Variants in MAML3 observed in about 807,000 individuals in gnomAD.
The protein encoded by MAML3 is mastermind-like protein 3.
MAML3 carries 27 observed loss-of-function variants against 101.9 expected under a neutral mutation model. That is an observed-to-expected ratio of 0.27 (90% CI 0.20 to 0.37). The LOEUF (loss-of-function observed/expected upper bound fraction) is 0.37, where lower values mean the gene tolerates loss of function less well. Ranked by LOEUF, MAML3 falls within the 10% of genes least tolerant of loss-of-function variation. The pLI, the probability that MAML3 is intolerant of heterozygous loss-of-function variation, is 1.00. For synonymous variants in MAML3, 501 were observed against 555.9 expected (o/e 0.90, Z 1.39); for missense variants, 1,316 against 1,444.9 (o/e 0.91, Z 1.45).
chr4:140,010,198 ATGAGGGCAC>A (rs1371939601), intron 1 of MAML3, among the ~76,000 whole-genome samples: 5 of 152,246 alleles, frequency 3.3e-5, no homozygotes, highest in Non-Finnish European at 5.9e-5. Flanking sequence ...TACCACAAAT[ATGAGGGCAC>A]TGGTTAGTTC....
intron 2 of MAML3, among the ~76,000 whole-genome samples, chr4:139,867,867 G>A (rs1379194689): frequency 1.3e-5 from 2 of 152,202 alleles, no homozygotes; most frequent in East Asian, 1.9e-4. Flanking sequence ...GCCCCACACT[G>A]CCTTCACAGC....
At chr4:139,947,598 A>G (rs1028320402) in intron 1 of MAML3, among the ~76,000 whole-genome samples, 18 of 152,200 alleles carry the variant, frequency 1.2e-4, no homozygotes, top group African/African-American at 3.4e-4. Flanking sequence ...CCTAGCAGAA[A>G]GGAGGGCTGA....
In MAML3 at chr4:139,719,353, C is replaced by T; in HGVS notation, c.3387G>A (p.Gln1129=). ...GGTTACCAAACAATTCATCAAGCTC[C>T]TGCATCCACTCGTCCCCTGGCCCGC... ...IKGGPGDEWM[Q]ELDELFGNP The change falls in exon 5 of 5, where the codon CAG becomes CAA. Residue 1129 remains glutamine (Q), a synonymous_variant. Coordinates refer to ENST00000509479, the MANE Select transcript of MAML3 (RefSeq NM_018717.5). The T allele has an allele frequency of 6.2e-7, 1 of 1,603,774 alleles. No individual in the cohort carries two copies. The highest frequency in any genetic ancestry group is 1.7e-5 in the Admixed American group (1 of 59,236).
intron 2 of MAML3, among the ~76,000 whole-genome samples, chr4:139,880,859 C>T (rs920155835): frequency 3.3e-5 from 5 of 152,058 alleles, no homozygotes; most frequent in Admixed American, 6.5e-5. Flanking sequence ...TGGCTTCCTC[C>T]GATGCTCCAG....
intron 2 of MAML3, among the ~76,000 whole-genome samples, chr4:139,840,843 C>A (rs3796628): frequency 0.39 from 58,620 of 152,014 alleles, 11,853 homozygotes; most frequent in East Asian, 0.69. Context: ...GTCTCCAGAA[C>A]CTTCTCAATT....
At chr4:139,746,407 G>A (rs1729321672) in intron 2 of MAML3, among the ~76,000 whole-genome samples, 2 of 151,884 alleles carry the variant, frequency 1.3e-5, no homozygotes, top group African/African-American at 4.8e-5. Context: ...GAGACTGAGT[G>A]TCTTCTCTGA....
intron 1 of MAML3, among the ~76,000 whole-genome samples, chr4:140,093,412 G>GT (rs1211054649): frequency 9.9e-4 from 126 of 126,884 alleles, no homozygotes; most frequent in East Asian, 4.6e-3. Context: ...ACTCATGTTT[G>GT]TTTGTTTTTT....
At chr4:139,903,213 G>A (rs1164213814) in intron 1 of MAML3, among the ~76,000 whole-genome samples, 2 of 152,138 alleles carry the variant, frequency 1.3e-5, no homozygotes, top group South Asian at 2.1e-4. Flanking sequence ...TGGCTCAAGC[G>A]ATCCTCCCAC....
intron 1 of MAML3, among the ~76,000 whole-genome samples, chr4:139,983,930 TGGATTTAACCAG>T (rs1165198464): frequency 6.6e-6 from 1 of 152,146 alleles, no homozygotes; most frequent in Non-Finnish European, 1.5e-5. Context: ...GTTGGGTAAA[TGGATTTAACCAG>T]GGCAGACTTT....
At chr4:139,775,503 T>C (rs1730075603) in intron 2 of MAML3, among the ~76,000 whole-genome samples, 1 of 152,058 alleles carries the variant, frequency 6.6e-6, no homozygotes, top group African/African-American at 2.4e-5. Context: ...AAAGGTAATT[T>C]AGTTGCCATT....
At chr4:139,817,750 G>A (rs138134353) in intron 2 of MAML3, among the ~76,000 whole-genome samples, 2 of 152,274 alleles carry the variant, frequency 1.3e-5, no homozygotes, top group East Asian at 3.9e-4. Context: ...TCAGGAGAGT[G>A]GGCAGAATCT....
intron 1 of MAML3, among the ~76,000 whole-genome samples, chr4:140,142,038 T>G (rs989143273): frequency 6.6e-6 from 1 of 152,120 alleles, no homozygotes; most frequent in African/African-American, 2.4e-5. Flanking sequence ...CACCAAAGTA[T>G]CAATCAATAG....
Position 139,890,170 on chromosome 4 carries a change from G to C in MAML3, c.1266C>G (p.Asn422Lys). ...NCAVQSPQTP[N>K]QAHTPGQAPP... Reference sequence around the variant, plus strand: ...GAGCTTGGCCTGGAGTGTGGGCTTGGTTTGGAGTTTGAGGGGACTGGACAG... The same window carrying C: ...GAGCTTGGCCTGGAGTGTGGGCTTGCTTTGGAGTTTGAGGGGACTGGACAG... Residue 422 changes from asparagine (N) to lysine (K), a missense_variant, in exon 2 of 5, where the codon AAC (asparagine) becomes AAG (lysine). By Grantham distance (94) the Asn-to-Lys change is moderately conservative. Transcript: ENST00000509479. This position sits in a 1 kb window ranked among gnomAD's most constrained non-coding sequence, Gnocchi z 4.1. 6.2e-7 allele frequency: 1 copy of C among 1,613,500 alleles called. No homozygotes were observed. The highest frequency in any genetic ancestry group is 8.5e-7 in the Non-Finnish European group (1 of 1,179,884).
rs369172708 is a variant in MAML3 at position 139,799,378 on chromosome 4, T to C, written c.2080-68711A>G. Among the ~76,000 whole-genome samples the C allele has an allele frequency of 3.5e-4, 54 of 152,348 alleles. 1 individual carries two copies. The highest frequency in any genetic ancestry group is 1.1e-3 in the African/African-American group (46 of 41,576). On this transcript the variant is annotated intron_variant, in intron 2 of 4. Coordinates refer to ENST00000509479, the MANE Select transcript of MAML3 (RefSeq NM_018717.5). Reference sequence around the variant, plus strand: ...CCTAATGCTATGAATTGGCTAATGATAAAGGTAGCTATTCTACTTTCAAGG... The same window carrying C: ...CCTAATGCTATGAATTGGCTAATGACAAAGGTAGCTATTCTACTTTCAAGG...
At chr4:140,104,409 A>T (rs1200999383) in intron 1 of MAML3, among the ~76,000 whole-genome samples, 1 of 17,090 alleles carries the variant, frequency 5.9e-5, no homozygotes, top group East Asian at 1.2e-3. Flanking sequence ...ATAATATATA[A>T]TATAATATAT....
At chr4:139,859,774 G>C (rs957221176) in intron 2 of MAML3, among the ~76,000 whole-genome samples, 1 of 152,232 alleles carries the variant, frequency 6.6e-6, no homozygotes, top group Admixed American at 6.5e-5. Flanking sequence ...CTTGTAATTA[G>C]CTGAGAACTA....
intron 1 of MAML3, among the ~76,000 whole-genome samples, chr4:140,040,623 G>A (rs1025873304): frequency 6.6e-6 from 1 of 152,054 alleles, no homozygotes; most frequent in Non-Finnish European, 1.5e-5. Context: ...AACAATACAG[G>A]GTACGGTGAT....
At chr4:139,972,671 T>C (rs1734251560) in intron 1 of MAML3, among the ~76,000 whole-genome samples, 1 of 152,254 alleles carries the variant, frequency 6.6e-6, no homozygotes, top group Non-Finnish European at 1.5e-5. Flanking sequence ...TACAAATGTA[T>C]ACATTTATCT....
In MAML3 at chr4:140,153,190, G is replaced by A. The variant is rs760525550; in HGVS notation, c.138C>T (p.Ser46=). 1.9e-6 allele frequency: 3 copies of A among 1,553,636 alleles called. No individual in the cohort carries two copies. The highest frequency in any genetic ancestry group is 2.6e-6 in the Non-Finnish European group (3 of 1,148,254). The change falls in exon 1 of 5, where the codon AGC becomes AGT. Residue 46 remains serine, a synonymous_variant. Coordinates refer to ENST00000509479, the MANE Select transcript of MAML3 (RefSeq NM_018717.5). The stretch of plus-strand genomic sequence containing the variant: ...CGCATCCACCGGCTGCCGGGTGATT[G>A]CTACTCGGAGCAGCGGGAGTACTAT... ...TPNSTPAAPS[S]NHPAAGGCGG... is the part of the protein sequence containing the mutation.
Sources: gnomAD v4.1 joint callset for allele counts (sites outside exome capture counted in the v4.1 genomes callset) on GRCh38, gnomAD v4.1.1 for gene constraint, Gnocchi (gnomAD v3.1) non-coding constraint, MANE v1.5 for transcripts, NCBI Gene and HGNC (gene_info 2026-07-23, HGNC 2026-07-21) for gene names.